The following VTI1A variants were observed in gnomAD, a reference collection of about 807,000 sequenced individuals.
The protein encoded by VTI1A is vesicle transport through interaction with t-SNAREs homolog 1A.
Under a neutral mutation model 34.9 loss-of-function variants are expected in VTI1A, and 22 were observed. The observed-to-expected ratio is 0.63, with a 90% CI of 0.45 to 0.90. VTI1A has a LOEUF of 0.90. Among genes scored for constraint, VTI1A ranks in the 40% least tolerant of loss-of-function variants. The pLI is 0.00. For missense variants in VTI1A, 268 were observed against 275.6 expected, an observed-to-expected ratio of 0.97 and a Z score of 0.20; for synonymous variants, 87 against 97.3, an observed-to-expected ratio of 0.89 and a Z score of 0.62.
chr10:112,697,279 C>T (rs1256414630), intron 7 of VTI1A, among the ~76,000 whole-genome samples: 1 of 151,624 alleles, frequency 6.6e-6, no homozygotes, highest in Non-Finnish European at 1.5e-5. Context: ...CTGCAACCTC[C>T]GCCTCCCGGG....
At chr10:112,688,694 T>TGTTC (rs1195139791) in intron 7 of VTI1A, among the ~76,000 whole-genome samples, 1 of 151,326 alleles carries the variant, frequency 6.6e-6, no homozygotes, top group Non-Finnish European at 1.5e-5. Context: ...GCTTATTTTT[T>TGTTC]GTTTGTTTGT....
chr10:112,460,538 A>T lies in VTI1A; in HGVS notation c.109A>T (p.Met37Leu), dbSNP rs1053997767. The change falls in exon 2 of 8, where the codon ATG becomes TTG. Residue 37 changes from methionine to leucine, a missense_variant. Met to Leu is a conservative substitution (Grantham distance 15). Transcript: ENST00000393077. The part of the protein sequence containing the change: ...PRLPPDEKKQ[M>L]VANVEKQLEE... ...GTTTGTTTCAGATGAAAAGAAACAGATGGTTGCAAATGTGGAGAAACAGCT... is the reference window on the plus strand; with the variant it reads ...GTTTGTTTCAGATGAAAAGAAACAGTTGGTTGCAAATGTGGAGAAACAGCT... 1.2e-6 allele frequency: 2 copies of T among 1,609,528 alleles called. No homozygotes were observed. The highest frequency in any genetic ancestry group is 1.7e-6 in the Non-Finnish European group (2 of 1,178,152).
At chr10:112,762,930 A>G (rs1193183848) in intron 7 of VTI1A, among the ~76,000 whole-genome samples, 2 of 152,144 alleles carry the variant, frequency 1.3e-5, no homozygotes, top group African/African-American at 4.8e-5. Context: ...ATCTGGGCCA[A>G]TGCTAGTTTT....
intron 7 of VTI1A, among the ~76,000 whole-genome samples, chr10:112,786,914 G>A (rs888340302): frequency 3.3e-5 from 5 of 152,034 alleles, no homozygotes; most frequent in African/African-American, 9.7e-5. Flanking sequence ...CGGGTGATAC[G>A]GCCCTCATAG....
Position 112,818,624 on chromosome 10 carries a change from A to G in VTI1A, c.*3241A>G. 4.5e-6 allele frequency: 1 copy of G among 221,192 alleles called. No homozygotes were observed. Among genetic ancestry groups the G allele is most frequent in the Non-Finnish European group, 9.1e-6 (1 of 110,068 alleles). 13.7% of individuals were successfully genotyped at this position (221,192 alleles called of 1,614,324 possible). On this transcript the variant is annotated 3_prime_UTR_variant, in exon 8 of 8. Transcript: ENST00000393077. The stretch of plus-strand genomic sequence containing the variant: ...CTCATTAAATCATAAAAACTTGACA[A>G]GGAAATAATTGCGCATTGCCAGCAA...
intron 7 of VTI1A, among the ~76,000 whole-genome samples, chr10:112,722,609 A>G (rs1849853125): frequency 6.6e-6 from 1 of 152,152 alleles, no homozygotes; most frequent in African/African-American, 2.4e-5. Context: ...AGAGGCAGCA[A>G]TTCCAAATTT....
intron 1 of VTI1A, among the ~76,000 whole-genome samples, chr10:112,453,495 T>A (rs1847316150): frequency 6.6e-6 from 1 of 152,022 alleles, no homozygotes; most frequent in Non-Finnish European, 1.5e-5. Context: ...ATTTACTTAT[T>A]CAGTCATTTA....
At chr10:112,754,568 A>G (rs1038763088) in intron 7 of VTI1A, among the ~76,000 whole-genome samples, 2 of 152,254 alleles carry the variant, frequency 1.3e-5, no homozygotes, top group African/African-American at 2.4e-5. Context: ...CTTTGATGAT[A>G]TAAAGCTGTT....
intron 7 of VTI1A, among the ~76,000 whole-genome samples, chr10:112,706,182 G>A (rs1251547181): frequency 6.6e-6 from 1 of 152,048 alleles, no homozygotes; most frequent in Non-Finnish European, 1.5e-5. Flanking sequence ...TTCATATTAG[G>A]GTTTTTAATG....
At chr10:112,805,934 C>T (rs1176813636) in intron 7 of VTI1A, among the ~76,000 whole-genome samples, 2 of 152,130 alleles carry the variant, frequency 1.3e-5, no homozygotes, top group African/African-American at 2.4e-5. Context: ...TTATGCCGGC[C>T]CTAGCACACT....
chr10:112,509,824 A>C (rs1252487450), intron 3 of VTI1A, among the ~76,000 whole-genome samples: 1 of 152,180 alleles, frequency 6.6e-6, no homozygotes, highest in East Asian at 1.9e-4. Context: ...ATTTGGAAAA[A>C]TCATTCCTGC....
intron 7 of VTI1A, among the ~76,000 whole-genome samples, chr10:112,806,453 T>A (rs1853084112): frequency 6.6e-6 from 1 of 151,820 alleles, no homozygotes; most frequent in Admixed American, 6.5e-5. Flanking sequence ...ACCCGGCTAA[T>A]TTTTGTATTT....
intron 7 of VTI1A, among the ~76,000 whole-genome samples, chr10:112,729,739 T>G (rs543666997): frequency 5.8e-4 from 88 of 152,288 alleles, no homozygotes; most frequent in African/African-American, 2.0e-3. Context: ...TATGAAGCAA[T>G]TGAAATACAG....
intron 3 of VTI1A, among the ~76,000 whole-genome samples, chr10:112,523,910 G>A (rs562456471): frequency 6.6e-6 from 1 of 152,136 alleles, no homozygotes; most frequent in East Asian, 1.9e-4. Flanking sequence ...ATTTTATACC[G>A]TTGATAATAA....
intron 3 of VTI1A, among the ~76,000 whole-genome samples, chr10:112,503,451 A>C (rs1849314371): frequency 1.3e-5 from 2 of 152,212 alleles, no homozygotes; most frequent in Admixed American, 1.3e-4. Context: ...CTCACTTCTG[A>C]AAGAAAGCAA....
chr10:112,738,138 G>C (rs1850563411), intron 7 of VTI1A, among the ~76,000 whole-genome samples: 1 of 152,132 alleles, frequency 6.6e-6, no homozygotes, highest in Non-Finnish European at 1.5e-5. Flanking sequence ...CTGATTTCTA[G>C]CCAGTCTGAT....
intron 7 of VTI1A, among the ~76,000 whole-genome samples, chr10:112,798,110 C>T (rs1852739243): frequency 6.6e-6 from 1 of 152,158 alleles, no homozygotes; most frequent in African/African-American, 2.4e-5. Flanking sequence ...GCGCTCTGAC[C>T]ATCCTCCTTT....
At chr10:112,688,177 C>T (rs1031058355) in intron 7 of VTI1A, among the ~76,000 whole-genome samples, 2 of 151,986 alleles carry the variant, frequency 1.3e-5, no homozygotes, top group Non-Finnish European at 2.9e-5. Context: ...TGGTCTCGAA[C>T]TCCTGACCTC....
chr10:112,790,506 A>G (rs1397101597), intron 7 of VTI1A, among the ~76,000 whole-genome samples: 1 of 152,138 alleles, frequency 6.6e-6, no homozygotes, highest in African/African-American at 2.4e-5. Flanking sequence ...AGGCTAGCAG[A>G]GGTGTGGGTT....
Sources: gnomAD v4.1 joint callset for allele counts (sites outside exome capture counted in the v4.1 genomes callset) on GRCh38, gnomAD v4.1.1 for gene constraint, MANE v1.5 for transcripts, NCBI Gene and HGNC (gene_info 2026-07-23, HGNC 2026-07-21) for gene names.